RAE1: variants seen among roughly 807,000 people sequenced by gnomAD.
The protein encoded by RAE1 is mRNA export factor RAE1.
Under a neutral mutation model 52.7 loss-of-function variants are expected in RAE1, and 13 were observed. The ratio of observed to expected loss-of-function variants is 0.25; its 90% CI spans 0.16 to 0.39. The LOEUF is 0.39. RAE1 is among the 10% of genes least tolerant of loss of function. The pLI is 1.00. For missense variants in RAE1, 262 were observed against 459.8 expected (o/e 0.57, Z 3.93); for synonymous variants, 164 against 153.1 (o/e 1.07, Z -0.52).
chr20:57,351,898 C>T (rs1460601012), intron 1 of RAE1: 9 of 985,318 alleles, frequency 9.1e-6, no homozygotes, highest in South Asian at 4.7e-5. Flanking sequence ...TAGGTGCCAC[C>T]GTACAGGCAG....
chr20:57,368,955 C>T (rs970042776), intron 8 of RAE1, 143 bp downstream of exon 8: 4 of 663,322 alleles, frequency 6.0e-6, no homozygotes, highest in South Asian at 1.8e-5. Flanking sequence ...AACACAAATA[C>T]TTAGTGAGTG....
At position 57,351,611 on chromosome 20, in the gene RAE1, A is replaced by C. The variant is rs574410600; in HGVS notation, c.-8+189A>C. On this transcript the variant is annotated intron_variant, in intron 1 of 11. Transcript: ENST00000395841. Reference sequence around the variant, plus strand: ...GGCCTTAGGGGTCACCTAGGGCCTAATCCATCGTTTCTCTTGTGGGGGAAC... The same window carrying C: ...GGCCTTAGGGGTCACCTAGGGCCTACTCCATCGTTTCTCTTGTGGGGGAAC... The C allele has an allele frequency of 3.2e-3, 3,163 of 985,570 alleles. 5 individuals are homozygous for C. The highest frequency in any genetic ancestry group is 3.6e-3 in the Non-Finnish European group (3,021 of 830,034). 61.1% of individuals were successfully genotyped at this position (985,570 alleles called of 1,614,324 possible). A position where few individuals can be genotyped will look rare whatever the true frequency, so the allele number is the denominator to read the frequency against.
At chr20:57,366,687 T>G (rs1169214100) in intron 5 of RAE1, 120 bp from the exon 6 acceptor site, 2 of 984,168 alleles carry the variant, frequency 2.0e-6, no homozygotes, top group African/African-American at 3.2e-5. Context: ...ATGTTTTGGT[T>G]TTTGTTTGGT....
At chr20:57,359,168 T>TA in intron 4 of RAE1, 1 of 531,312 alleles carries the variant, frequency 1.9e-6, no homozygotes, top group Non-Finnish European at 3.0e-6. Flanking sequence ...GGTGATGTTT[T>TA]TGGTAAACAG....
At chr20:57,353,378 G>C (rs1783144754) in intron 1 of RAE1, among the ~76,000 whole-genome samples, 1 of 152,194 alleles carries the variant, frequency 6.6e-6, no homozygotes, top group Admixed American at 6.5e-5. Context: ...GTGGCAAGAG[G>C]CCCTGACCAA....
chr20:57,373,075 CCCT>C (rs1568793005), intron 8 of RAE1: 2 of 242,110 alleles, frequency 8.3e-6, no homozygotes, highest in East Asian at 2.3e-4. Flanking sequence ...GAGCCTGCAT[CCCT>C]CCTCCAGCTG....
intron 7 of RAE1, 78 bp downstream of exon 7, chr20:57,367,157 G>GTT: frequency 1.7e-6 from 2 of 1,204,436 alleles, no homozygotes; most frequent in South Asian, 3.0e-5. Context: ...GCGTCCTGCA[G>GTT]TTAGTGAGTG....
chr20:57,373,563 A>AT lies in RAE1; in HGVS notation c.732dup (p.Ile245TyrfsTer10). On this transcript the variant is annotated frameshift_variant, in exon 9 of 12. Coordinates refer to ENST00000395841, the MANE Select transcript of RAE1 (RefSeq NM_003610.4). LOFTEE classifies it high-confidence loss of function. Reference sequence around the variant, plus strand: ...ATCGAGGGGAGAGTTGCTATTCACTATATCAACCCCCCGAACCCGTAAGTG... The same window carrying AT: ...ATCGAGGGGAGAGTTGCTATTCACTATTATCAACCCCCCGAACCCGTAAGTG... The AT allele has an allele frequency of 2.5e-6, 4 of 1,614,050 alleles. No homozygotes were observed. The highest frequency in any genetic ancestry group is 3.4e-6 in the Non-Finnish European group (4 of 1,179,936).
At chr20:57,377,336 C>G (rs1157789486) in intron 11 of RAE1, among the ~76,000 whole-genome samples, 1 of 152,216 alleles carries the variant, frequency 6.6e-6, no homozygotes, top group Non-Finnish European at 1.5e-5. Context: ...ACTCACCTCT[C>G]TTCTTAAAAC....
chr20:57,364,088 G>A (rs2066923455), intron 4 of RAE1, among the ~76,000 whole-genome samples: 1 of 152,198 alleles, frequency 6.6e-6, no homozygotes, highest in African/African-American at 2.4e-5. Context: ...AGACATGTAG[G>A]TAAAGGCACA....
At chr20:57,360,393 G>A (rs1471707231) in intron 4 of RAE1, among the ~76,000 whole-genome samples, 3 of 152,164 alleles carry the variant, frequency 2.0e-5, no homozygotes, top group Non-Finnish European at 4.4e-5. Context: ...AGGGTTTGCT[G>A]CAGATGGGCA....
At position 57,361,088 on chromosome 20, in the gene RAE1, G is replaced by GAGAAAGAA. The variant is rs111818954; in HGVS notation, c.289-4246_289-4239dup. Among the ~76,000 whole-genome samples, 166 of 151,468 alleles carry GAGAAAGAA rather than the reference G, an allele frequency of 1.1e-3. 1 individual carries two copies. Among genetic ancestry groups the GAGAAAGAA allele is most frequent in the East Asian group, 4.5e-3 (23 of 5,158 alleles). On this transcript the variant is annotated intron_variant, in intron 4 of 11. Coordinates refer to ENST00000395841, the MANE Select transcript of RAE1 (RefSeq NM_003610.4). Reference sequence around the variant, plus strand: ...ATACTTAAGTGGAAAATTAAAGTATGAGAAAGAAAGAAAGAAAGAAAGAAA... The same window carrying GAGAAAGAA: ...ATACTTAAGTGGAAAATTAAAGTATGAGAAAGAAAGAAAGAAAGAAAGAAAGAAAGAAA...
In RAE1 at chr20:57,354,092, T is replaced by C. The variant is rs2066749536; in HGVS notation, c.54T>C (p.Phe18=). The C allele has an allele frequency of 6.8e-6, 11 of 1,614,160 alleles. No individual in the cohort carries two copies. The highest frequency in any genetic ancestry group is 8.5e-6 in the Non-Finnish European group (10 of 1,179,994). Residue 18 remains phenylalanine (F), a synonymous_variant, in exon 2 of 12, where the codon TTT becomes TTC. Transcript: ENST00000395841. ...SGFGTSGTSM[F]GSATTDNHNP... ...TTGGAACCAGTGGGACCAGCATGTT[T>C]GGCAGTGCAACTACAGACAATCACA... is the stretch of plus-strand genomic sequence containing the variant.
intron 8 of RAE1, among the ~76,000 whole-genome samples, chr20:57,370,502 A>G (rs563644528): frequency 1.3e-5 from 2 of 152,230 alleles, no homozygotes; most frequent in Admixed American, 6.5e-5. Context: ...TCGCTCAGCC[A>G]CGCCCTGTGG....
chr20:57,364,330 A>C (rs1307999770), intron 4 of RAE1, among the ~76,000 whole-genome samples: 1 of 152,192 alleles, frequency 6.6e-6, no homozygotes, highest in African/African-American at 2.4e-5. Context: ...AATGCTGATG[A>C]CGTGGTGGGG....
intron 4 of RAE1, 61 bp downstream of exon 4, chr20:57,356,599 T>C (rs2066791454): frequency 7.0e-7 from 1 of 1,421,064 alleles, no homozygotes; most frequent in Non-Finnish European, 9.8e-7. Flanking sequence ...ATTTAGAATA[T>C]TTAATAATCC....
intron 8 of RAE1, chr20:57,371,779 C>T (rs928511413): frequency 2.0e-5 from 3 of 152,208 alleles, no homozygotes; most frequent in Non-Finnish European, 4.4e-5. Flanking sequence ...GCACTGTTCA[C>T]AATAGCCAAG....
chr20:57,375,852 C>T (rs2067106880), intron 11 of RAE1, among the ~76,000 whole-genome samples: 2 of 152,232 alleles, frequency 1.3e-5, no homozygotes, highest in African/African-American at 4.8e-5. Context: ...CTCCTCCCTG[C>T]TTCTTGGCCA....
At chr20:57,355,923 A>G (rs369800080) in intron 3 of RAE1, among the ~76,000 whole-genome samples, 24 of 152,236 alleles carry the variant, frequency 1.6e-4, no homozygotes, top group African/African-American at 5.8e-4. Flanking sequence ...TGTAGCTGCA[A>G]AAGTGAAGAC....
Sources: allele counts gnomAD v4.1 joint callset (sites outside exome capture counted in the v4.1 genomes callset), GRCh38; gene constraint gnomAD v4.1.1; transcripts MANE v1.5; gene names NCBI Gene and HGNC (gene_info 2026-07-23, HGNC 2026-07-21).